Variants in NRXN3 observed in about 807,000 individuals in gnomAD.
The protein encoded by NRXN3 is neurexin 3.
NRXN3 carries 32 observed loss-of-function variants against 137.6 expected under a neutral mutation model. The ratio of observed to expected loss-of-function variants is 0.23; its 90% CI spans 0.18 to 0.31. The LOEUF (loss-of-function observed/expected upper bound fraction) is 0.31. Ranked by LOEUF, NRXN3 falls within the 10% of genes least tolerant of loss-of-function variation. The pLI, the probability that NRXN3 is intolerant of heterozygous loss-of-function variation, is 1.00. For synonymous variants in NRXN3, 798 were observed against 784.5 expected (o/e 1.02, Z -0.29); for missense variants, 1,574 against 2,062.5 (o/e 0.76, Z 4.59).
At chr14:79,696,033 A>G (rs192176139) in intron 18 of NRXN3, among the ~76,000 whole-genome samples, 1 of 152,138 alleles carries the variant, frequency 6.6e-6, no homozygotes, top group Admixed American at 6.6e-5. Context: ...AATGGGCACT[A>G]TGAGTTGCCT....
At chr14:79,166,394 A>G (rs2061287582) in intron 15 of NRXN3, among the ~76,000 whole-genome samples, 1 of 151,806 alleles carries the variant, frequency 6.6e-6, no homozygotes, top group South Asian at 2.1e-4. Flanking sequence ...CAAATCTCCC[A>G]AAGATTCCAT....
At chr14:79,339,148 CCTTCACAGTAA>C (rs2092454063) in intron 15 of NRXN3, among the ~76,000 whole-genome samples, 1 of 150,438 alleles carries the variant, frequency 6.6e-6, no homozygotes, top group African/African-American at 2.4e-5. Context: ...AGCAAGGTTA[CCTTCACAGTAA>C]CAGCTTTTCT....
At chr14:78,767,816 T>G (rs2098713772) in intron 8 of NRXN3, among the ~76,000 whole-genome samples, 2 of 152,172 alleles carry the variant, frequency 1.3e-5, no homozygotes, top group African/African-American at 4.8e-5. Flanking sequence ...TTGAACTATA[T>G]TATATCCCAG....
chr14:79,425,782 C>G (rs1012482469), intron 15 of NRXN3, among the ~76,000 whole-genome samples: 1 of 152,096 alleles, frequency 6.6e-6, no homozygotes, highest in Non-Finnish European at 1.5e-5. Context: ...GATTGGGACT[C>G]TAAGATAGAA....
intron 4 of NRXN3, among the ~76,000 whole-genome samples, chr14:78,439,937 C>A (rs546732029): frequency 6.6e-6 from 1 of 151,856 alleles, no homozygotes; most frequent in Non-Finnish European, 1.5e-5. Flanking sequence ...GGACCCCAGG[C>A]CCCAAATGCC....
intron 4 of NRXN3, among the ~76,000 whole-genome samples, chr14:78,434,806 A>C (rs2094006969): frequency 1.3e-5 from 2 of 152,196 alleles, no homozygotes; most frequent in South Asian, 4.1e-4. Flanking sequence ...GTGAACAAGA[A>C]GTGAAGAAAA....
At chr14:79,247,935 T>TGA (rs2075423758) in intron 15 of NRXN3, among the ~76,000 whole-genome samples, 1 of 152,152 alleles carries the variant, frequency 6.6e-6, no homozygotes, top group Non-Finnish European at 1.5e-5. Context: ...CACCACTTGT[T>TGA]ATCTATCACC....
At position 79,625,411 on chromosome 14, in the gene NRXN3, A is replaced by G. The variant is rs1486360637; in HGVS notation, c.3445-38367A>G. Among the ~76,000 whole-genome samples the G allele has an allele frequency of 2.0e-5, 3 of 152,306 alleles. No homozygotes were observed. In the South Asian group the frequency reaches 6.2e-4, roughly 32 times the overall value. The stretch of plus-strand genomic sequence containing the variant: ...TTCCATATCTTAGCTATTGTAAAAA[A>G]TACAAGAAAGAACAGACATCTCTAT... On this transcript the variant is annotated intron_variant, in intron 16 of 20. Transcript: ENST00000335750.
intron 19 of NRXN3, among the ~76,000 whole-genome samples, chr14:79,789,089 T>C (rs932567032): frequency 6.6e-5 from 10 of 152,182 alleles, no homozygotes; most frequent in Non-Finnish European, 1.2e-4. Context: ...TGGAGGATCT[T>C]GAATTTTAAT....
chr14:79,649,694 T>G (rs2098467244), intron 16 of NRXN3, among the ~76,000 whole-genome samples: 1 of 152,192 alleles, frequency 6.6e-6, no homozygotes, highest in Non-Finnish European at 1.5e-5. Flanking sequence ...AAGGAATTTT[T>G]AGGCCAATTT....
intron 10 of NRXN3, among the ~76,000 whole-genome samples, chr14:78,835,744 CA>C (rs1383154174): frequency 1.3e-5 from 2 of 152,014 alleles, no homozygotes; most frequent in Non-Finnish European, 2.9e-5. Flanking sequence ...TTTCATTTGT[CA>C]AAGAAACTCT....
At chr14:78,532,031 G>C (rs538069280) in intron 4 of NRXN3, among the ~76,000 whole-genome samples, 1 of 151,780 alleles carries the variant, frequency 6.6e-6, no homozygotes, top group African/African-American at 2.4e-5. Flanking sequence ...CTGGCTAGGC[G>C]TGGTGGCTCA....
intron 15 of NRXN3, among the ~76,000 whole-genome samples, chr14:79,393,422 C>T (rs1040229953): frequency 3.9e-5 from 6 of 152,122 alleles, no homozygotes; most frequent in Non-Finnish European, 5.9e-5. Context: ...ATACTTTCTC[C>T]GAATGAAGTT....
chr14:79,753,621 A>C (rs1568121330), intron 19 of NRXN3, among the ~76,000 whole-genome samples: 2 of 151,338 alleles, frequency 1.3e-5, no homozygotes, highest in Non-Finnish European at 2.9e-5. Context: ...ACTAATGCTA[A>C]ATGACGAGTT....
At chr14:79,584,925 T>A (rs1452943250) in intron 16 of NRXN3, among the ~76,000 whole-genome samples, 1 of 152,182 alleles carries the variant, frequency 6.6e-6, no homozygotes, top group African/African-American at 2.4e-5. Context: ...GGAAAGATTT[T>A]GAGTCATAGC....
intron 15 of NRXN3, among the ~76,000 whole-genome samples, chr14:79,456,269 T>C (rs2153596067): frequency 6.6e-6 from 1 of 152,340 alleles, no homozygotes; most frequent in South Asian, 2.1e-4. Flanking sequence ...CCAATCATCA[T>C]GGTCATTCTT....
chr14:79,816,653 T>C (rs1423030360), intron 20 of NRXN3, among the ~76,000 whole-genome samples: 3 of 152,368 alleles, frequency 2.0e-5, no homozygotes, highest in South Asian at 4.1e-4. Flanking sequence ...TCTGAGCACA[T>C]AGAATCTATA....
chr14:79,691,562 G>T (rs1381435315), intron 17 of NRXN3, among the ~76,000 whole-genome samples: 1 of 152,016 alleles, frequency 6.6e-6, no homozygotes, highest in Non-Finnish European at 1.5e-5. Context: ...TATCTGTACT[G>T]ATCTACCTCT....
rs370867285 is a variant in NRXN3 at position 78,585,488 on chromosome 14, G to A, written c.758-59632G>A. Among the ~76,000 whole-genome samples, 15 of 152,330 alleles carry A rather than the reference G, an allele frequency of 9.8e-5. No homozygotes were observed. In the East Asian group the frequency reaches 1.4e-3, roughly 14 times the overall value. On this transcript the variant is annotated intron_variant, in intron 4 of 20. Coordinates refer to ENST00000335750, the MANE Select transcript of NRXN3 (RefSeq NM_001330195.2). The stretch of plus-strand genomic sequence containing the variant: ...ACTGTTAAAAGTTGATCACTCCTGC[G>A]GAGTGTGGATAGAAATTTAGGGACA...
Sources: gnomAD v4.1 joint callset for allele counts (sites outside exome capture counted in the v4.1 genomes callset) on GRCh38, gnomAD v4.1.1 for gene constraint, MANE v1.5 for transcripts, NCBI Gene and HGNC (gene_info 2026-07-23, HGNC 2026-07-21) for gene names.